Variants in AQP7B observed in about 807,000 individuals in gnomAD.
AQP7B encodes aquaporin 7B.
the AQP7B span, chr2:94,594,808 G>A: frequency 3.3e-5 from 51 of 1,566,994 alleles, no homozygotes; most frequent in Non-Finnish European, 4.2e-5. Flanking sequence ...AATATGGTGC[G>A]AGGAAGATGA....
the AQP7B span, among the ~76,000 whole-genome samples, chr2:94,600,876 C>CA: frequency 0.13 from 10,913 of 84,322 alleles, 768 homozygotes; most frequent in African/African-American, 0.25. Flanking sequence ...AAGACTGTCT[C>CA]AAAAAAAAAA....
the AQP7B span, among the ~76,000 whole-genome samples, chr2:94,597,235 A>T: frequency 6.6e-6 from 1 of 152,178 alleles, no homozygotes; most frequent in Non-Finnish European, 1.5e-5. Context: ...AGGGCAAAGT[A>T]ATTCACTTAC....
the AQP7B span, among the ~76,000 whole-genome samples, chr2:94,597,275 T>A: frequency 2.0e-5 from 3 of 152,154 alleles, no homozygotes; most frequent in African/African-American, 7.2e-5. Context: ...ATGAGGGCTG[T>A]TAACCCTTGG....
the AQP7B span, among the ~76,000 whole-genome samples, chr2:94,592,276 G>A: frequency 5.3e-5 from 8 of 152,120 alleles, no homozygotes; most frequent in Non-Finnish European, 4.4e-5. Context: ...CCCTGACCTC[G>A]CAGCAGCAAA....
chr2:94,600,910 G>A, the AQP7B span, among the ~76,000 whole-genome samples: 32 of 151,196 alleles, frequency 2.1e-4, no homozygotes, highest in South Asian at 4.2e-4. Context: ...GCTGCGTGCC[G>A]AGGCACATGC....
the AQP7B span, among the ~76,000 whole-genome samples, chr2:94,599,939 C>T: frequency 1.2e-4 from 18 of 150,892 alleles, no homozygotes; most frequent in Non-Finnish European, 2.1e-4. Context: ...AGTGCAGTGG[C>T]GTGATCTCGG....
chr2:94,602,975 A>G, the AQP7B span: 4 of 1,505,864 alleles, frequency 2.7e-6, no homozygotes, highest in African/African-American at 4.1e-5. Context: ...TTGTTCTCAT[A>G]CTGTTTGTCA....
At chr2:94,595,674 GT>G in the AQP7B span, among the ~76,000 whole-genome samples, 104 of 152,232 alleles carry the variant, frequency 6.8e-4, no homozygotes, top group East Asian at 0.02. Context: ...CAGAGAGAGG[GT>G]GATGACTGAT....
chr2:94,603,483 G>A, the AQP7B span: 4 of 1,610,518 alleles, frequency 2.5e-6, no homozygotes, highest in Admixed American at 6.7e-5. Context: ...TGACATTGTG[G>A]CGGGGCTTCC....
the AQP7B span, among the ~76,000 whole-genome samples, chr2:94,590,083 G>A: frequency 1.3e-5 from 2 of 152,176 alleles, no homozygotes; most frequent in African/African-American, 4.8e-5. Flanking sequence ...TGGTGGTGTT[G>A]CCATTACCCA....
the AQP7B span, chr2:94,594,845 C>T: frequency 2.6e-5 from 41 of 1,557,668 alleles, no homozygotes; most frequent in African/African-American, 4.7e-4. Context: ...GAGTTCTTGG[C>T]CGAGTTCATG....
chr2:94,591,166 G>T, the AQP7B span, among the ~76,000 whole-genome samples: 1 of 151,760 alleles, frequency 6.6e-6, no homozygotes, highest in African/African-American at 2.4e-5. Flanking sequence ...TCTGTGATTT[G>T]CTGTCCTCCA....
At chr2:94,592,084 G>A in the AQP7B span, among the ~76,000 whole-genome samples, 969 of 152,240 alleles carry the variant, frequency 6.4e-3, 12 homozygotes, top group African/African-American at 0.023. Context: ...CTGCTGTGTG[G>A]TGATGAGGAA....
chr2:94,596,254 C>T, the AQP7B span, among the ~76,000 whole-genome samples: 1 of 152,238 alleles, frequency 6.6e-6, no homozygotes, highest in African/African-American at 2.4e-5. Flanking sequence ...AGACTGCAGG[C>T]AGGATGTGAG....
At chr2:94,597,612 GT>G in the AQP7B span, among the ~76,000 whole-genome samples, 1,037 of 127,560 alleles carry the variant, frequency 8.1e-3, 6 homozygotes, top group Non-Finnish European at 0.012. Context: ...AGTCTTTTTT[GT>G]TTTTTTTTTT....
At chr2:94,591,296 A>G in the AQP7B span, among the ~76,000 whole-genome samples, 1 of 152,032 alleles carries the variant, frequency 6.6e-6, no homozygotes, top group Non-Finnish European at 1.5e-5. Flanking sequence ...CCATTCTCCC[A>G]CAGCTTCTCT....
the AQP7B span, chr2:94,603,816 GGTC>G: frequency 6.6e-7 from 1 of 1,508,848 alleles, no homozygotes. Flanking sequence ...GCATCCTCGT[GGTC>G]ATCATCAGGG....
At chr2:94,597,693 C>T in the AQP7B span, among the ~76,000 whole-genome samples, 1 of 151,606 alleles carries the variant, frequency 6.6e-6, no homozygotes, top group Non-Finnish European at 1.5e-5. Context: ...CAACCTCCAC[C>T]TCCCGGGTTC....
the AQP7B span, among the ~76,000 whole-genome samples, chr2:94,598,927 C>G: frequency 6.6e-6 from 1 of 152,098 alleles, no homozygotes; most frequent in African/African-American, 2.4e-5. Flanking sequence ...CTCAGCCTCC[C>G]GAGTAGCTGG....
Sources: gnomAD v4.1 joint callset for allele counts (sites outside exome capture counted in the v4.1 genomes callset) on GRCh38, gnomAD v4.1.1 for gene constraint, MANE v1.5 for transcripts, NCBI Gene and HGNC (gene_info 2026-07-23, HGNC 2026-07-21) for gene names.